Variants in CABP1 observed in about 807,000 individuals in gnomAD.
CABP1 encodes calcium binding protein 1.
Under a neutral mutation model 34.3 loss-of-function variants are expected in CABP1, and 17 were observed. The observed-to-expected ratio is 0.50, with a 90% CI of 0.34 to 0.74. The LOEUF is 0.74. Ranked by LOEUF, CABP1 falls within the 30% of genes least tolerant of loss-of-function variation. CABP1 has a pLI of 0.01. For synonymous variants in CABP1, 198 were observed against 229.2 expected (o/e 0.86, Z 1.23); for missense variants, 373 against 511.1 (o/e 0.73, Z 2.61).
intron 1 of CABP1, 147 bp from the exon 2 acceptor site, chr12:120,659,731 C>A: frequency 1.5e-6 from 1 of 659,936 alleles, no homozygotes; most frequent in Non-Finnish European, 2.7e-6. Context: ...TTCTTCTCCC[C>A]TCAAGGACCT....
chr12:120,655,692 T>C (rs1880135400), intron 1 of CABP1: 1 of 1,428,482 alleles, frequency 7.0e-7, no homozygotes, highest in Non-Finnish European at 9.1e-7. Flanking sequence ...GTTGGGAGCA[T>C]TTTGGGAAAG....
Position 120,660,117 on chromosome 12 carries a change from G to A in CABP1, c.686-79G>A. 1 of 1,559,436 alleles carries A rather than the reference G, an allele frequency of 6.4e-7. No homozygotes were observed. Among genetic ancestry groups the A allele is most frequent in the Non-Finnish European group, 8.8e-7 (1 of 1,141,680 alleles). On this transcript the variant is annotated intron_variant, in intron 2 of 5. Transcript: ENST00000316803. This position sits in a 1 kb window ranked among gnomAD's most constrained non-coding sequence, Gnocchi z 5.0. Reference sequence around the variant, plus strand: ...CCTGGGCCTCTCTTTCCATGCCGGTGGGCCTTTGGGCTGCCTTTGCCCACA... The same window carrying A: ...CCTGGGCCTCTCTTTCCATGCCGGTAGGCCTTTGGGCTGCCTTTGCCCACA...
chr12:120,655,667 T>G, intron 1 of CABP1: 3 of 1,423,726 alleles, frequency 2.1e-6, no homozygotes, highest in East Asian at 2.5e-5. Flanking sequence ...CCCTGGAGAT[T>G]GACTGAATTG....
chr12:120,642,995 GAAAA>G (rs55874841), intron 1 of CABP1, among the ~76,000 whole-genome samples: 1 of 69,496 alleles, frequency 1.4e-5, no homozygotes, highest in South Asian at 6.2e-4. Flanking sequence ...CTCAGCTCCT[GAAAA>G]AAAAAAAAAA....
At chr12:120,654,735 T>G (rs1055373413) in intron 1 of CABP1, among the ~76,000 whole-genome samples, 1 of 152,148 alleles carries the variant, frequency 6.6e-6, no homozygotes, top group Non-Finnish European at 1.5e-5. Context: ...GTAGAGGCAC[T>G]GGGCATCCCG....
Position 120,647,443 on chromosome 12 carries a change from G to A in CABP1, c.654+6104G>A, listed in dbSNP as rs551884964. 1.9e-4 allele frequency among the ~76,000 whole-genome samples: 29 copies of A among 150,028 alleles called. 1 individual carries two copies. The South Asian group carries it at 3.4e-3, about 17-fold the overall frequency. ...TCACTATGTTGTCCAGGCTGGTCTC[G>A]AACTCCTGGGCTCAATGATCCTCCT... is the stretch of plus-strand genomic sequence containing the variant. On this transcript the variant is annotated intron_variant, in intron 1 of 5. Coordinates refer to ENST00000316803, the MANE Select transcript of CABP1 (RefSeq NM_001033677.2).
downstream of CABP1, among the ~76,000 whole-genome samples, chr12:120,669,007 G>C (rs1441052936): frequency 6.6e-6 from 1 of 152,140 alleles, no homozygotes; most frequent in Non-Finnish European, 1.5e-5. Flanking sequence ...GATGCTGCCA[G>C]TCCATGGACA....
chr12:120,641,575 GCCTC>G lies in CABP1; in HGVS notation c.654+241_654+244del. On this transcript the variant is annotated intron_variant, in intron 1 of 5. Transcript: ENST00000316803. This position sits in a 1 kb window ranked among gnomAD's most constrained non-coding sequence, Gnocchi z 6.7. Reference sequence around the variant, plus strand: ...TCTTGGGGCAAGGCCCTCCCCGCTAGCCTCCCTCATACCCGCCAGAACCCGCCAG... The same window carrying G: ...TCTTGGGGCAAGGCCCTCCCCGCTAGCCTCATACCCGCCAGAACCCGCCAG... 2.5e-6 allele frequency: 1 copy of G among 393,912 alleles called. No homozygotes were observed. Among genetic ancestry groups the G allele is most frequent in the Non-Finnish European group, 4.4e-6 (1 of 227,708 alleles). The allele number at this position is 393,912 out of a possible 1,614,324, so 24.4% of individuals were successfully genotyped here.
chr12:120,657,348 A>G (rs952762743), intron 1 of CABP1, among the ~76,000 whole-genome samples: 1 of 152,182 alleles, frequency 6.6e-6, no homozygotes, highest in Non-Finnish European at 1.5e-5. Context: ...ACACTTTAAT[A>G]TCTTGTCTCA....
Position 120,641,331 on chromosome 12 carries a change from T to C in CABP1, c.646T>C (p.Phe216Leu). The C allele has an allele frequency of 7.6e-7, 1 of 1,312,290 alleles. No individual in the cohort carries two copies. Among genetic ancestry groups the C allele is most frequent in the Non-Finnish European group, 9.7e-7 (1 of 1,031,838 alleles). The allele number at this position is 1,312,290 out of a possible 1,614,324, so 81.3% of individuals were successfully genotyped here. A position where few individuals can be genotyped will look rare whatever the true frequency, so the allele number is the denominator to read the frequency against. Reference sequence around the variant, plus strand: ...GCTGCGCCCCATGCTCAGCTCCGCCTTTGGCCAGGTAAGGGCCGCGCCTCC... The same window carrying C: ...GCTGCGCCCCATGCTCAGCTCCGCCCTTGGCCAGGTAAGGGCCGCGCCTCC... ...HRLRPMLSSA[F>L]GQDRSLRPEE... Residue 216 changes from phenylalanine to leucine, a missense_variant, in exon 1 of 6, where the codon TTT becomes CTT. By Grantham distance (22) the Phe-to-Leu change is conservative (BLOSUM62 0). Transcript: ENST00000316803. The surrounding 1 kb of genome is among the most constrained non-coding windows in gnomAD (Gnocchi z 6.7).
intron 5 of CABP1, among the ~76,000 whole-genome samples, chr12:120,664,895 G>T (rs549086238): frequency 7.5e-6 from 1 of 132,540 alleles, no homozygotes; most frequent in Non-Finnish European, 1.6e-5. Context: ...AAAAAAAAGA[G>T]AGAGAGAGAG....
chr12:120,679,768 G>A, the CABP1 span, among the ~76,000 whole-genome samples: 1 of 151,956 alleles, frequency 6.6e-6, no homozygotes, highest in African/African-American at 2.4e-5. Flanking sequence ...TGGAGGTTGC[G>A]GTGAGTTGAG....
intron 1 of CABP1, among the ~76,000 whole-genome samples, chr12:120,649,632 G>A (rs746150282): frequency 6.6e-6 from 1 of 152,122 alleles, no homozygotes; most frequent in African/African-American, 2.4e-5. Context: ...GGCAGGGGGC[G>A]AGGAGGAGGA....
chr12:120,654,060 C>T (rs141725345), intron 1 of CABP1, among the ~76,000 whole-genome samples: 1 of 152,230 alleles, frequency 6.6e-6, no homozygotes, highest in African/African-American at 2.4e-5. Flanking sequence ...AGTCTTGCCT[C>T]GCTCTAGTCT....
downstream of CABP1, among the ~76,000 whole-genome samples, chr12:120,670,527 C>T (rs558388062): frequency 2.6e-5 from 4 of 152,152 alleles, no homozygotes; most frequent in Non-Finnish European, 4.4e-5. Context: ...ATGGGTGGAT[C>T]GCTTGAGGTC....
At chr12:120,668,785 T>C (rs1399837966), downstream of CABP1, among the ~76,000 whole-genome samples, 2 of 152,208 alleles carry the variant, frequency 1.3e-5, no homozygotes, top group African/African-American at 4.8e-5. Context: ...GGGTAGAAGT[T>C]GTCGAGTCTT....
rs756659075 is a variant in CABP1 at position 120,660,973 on chromosome 12, A to AG, written c.940-92dup. The AG allele has an allele frequency of 1.4e-6, 2 of 1,457,918 alleles. No individual in the cohort carries two copies. Among genetic ancestry groups the AG allele is most frequent in the Non-Finnish European group, 9.5e-7 (1 of 1,057,552 alleles). The allele number at this position is 1,457,918 out of a possible 1,614,324, so 90.3% of individuals were successfully genotyped here. A position where few individuals can be genotyped will look rare whatever the true frequency, so the allele number is the denominator to read the frequency against. On this transcript the variant is annotated intron_variant, in intron 4 of 5. Coordinates refer to ENST00000316803, the MANE Select transcript of CABP1 (RefSeq NM_001033677.2). The surrounding 1 kb of genome is among the most constrained non-coding windows in gnomAD (Gnocchi z 5.0). The stretch of plus-strand genomic sequence containing the variant: ...TTGGACAGAGAAAGGTCTCTGGTAA[A>AG]GGGGGGCAATGACACTGGAGAAGGA...
the CABP1 span, among the ~76,000 whole-genome samples, chr12:120,672,593 T>C: frequency 6.6e-5 from 8 of 121,572 alleles, no homozygotes; most frequent in Admixed American, 7.3e-4. Flanking sequence ...GATAGCGCCA[T>C]TGCACTCCAA....
At chr12:120,659,964 A>G in intron 2 of CABP1, 56 bp downstream of exon 2, 5 of 1,569,658 alleles carry the variant, frequency 3.2e-6, no homozygotes, top group Non-Finnish European at 3.5e-6. Flanking sequence ...AAGGTGTGGG[A>G]AGGGAGGTTG....
Sources: gnomAD v4.1 joint callset for allele counts (sites outside exome capture counted in the v4.1 genomes callset) on GRCh38, gnomAD v4.1.1 for gene constraint, Gnocchi (gnomAD v3.1) non-coding constraint, MANE v1.5 for transcripts, NCBI Gene and HGNC (gene_info 2026-07-23, HGNC 2026-07-21) for gene names.